The following LYG2 variants were observed in gnomAD, a reference collection of about 807,000 sequenced individuals.
LYG2 encodes lysozyme g2.
A neutral mutation model predicts 22.4 loss-of-function variants in LYG2; 25 were observed. The ratio of observed to expected loss-of-function variants is 1.12; its 90% confidence interval spans 0.81 to 1.56. The LOEUF (loss-of-function observed/expected upper bound fraction) is 1.56, where lower values mean the gene tolerates loss of function less well. Ranked by LOEUF, LYG2 falls within the 40% of genes most tolerant of loss-of-function variation. The pLI, the probability that LYG2 is intolerant of heterozygous loss-of-function variation, is 0.00. For synonymous variants in LYG2, 88 were observed against 97.0 expected (o/e 0.91, Z 0.55); for missense variants, 266 against 269.5 (o/e 0.99, Z 0.09).
Position 99,245,246 on chromosome 2 carries a change from G to A in LYG2, c.381+16C>T, listed in dbSNP as rs759194233. 4 of 1,576,882 alleles carry A rather than the reference G, an allele frequency of 2.5e-6. No individual in the cohort carries two copies. The highest frequency in any genetic ancestry group is 1.8e-5 in the Admixed American group (1 of 56,838). ...AGGGATGCAGTGGGGCTGATAGAAA[G>A]TTTCTAGCTAAATACCTGCATCAAG... is the stretch of plus-strand genomic sequence containing the variant. On this transcript the variant is annotated intron_variant, in intron 5 of 6. Coordinates refer to ENST00000333017, the MANE Select transcript of LYG2 (RefSeq NM_175735.4).
chr2:99,258,610 A>G (rs1261555316), upstream of LYG2, among the ~76,000 whole-genome samples: 1 of 152,220 alleles, frequency 6.6e-6, no homozygotes, highest in Non-Finnish European at 1.5e-5. Flanking sequence ...CAGCCCAAGC[A>G]TCTGTTTCAC....
chr2:99,249,900 C>T (rs1475392699), intron 3 of LYG2, among the ~76,000 whole-genome samples: 1 of 152,076 alleles, frequency 6.6e-6, no homozygotes, highest in Non-Finnish European at 1.5e-5. Flanking sequence ...TCTTGCAGCC[C>T]ATCCTCTACT....
chr2:99,245,559 C>T, intron 4 of LYG2, 101 bp from the exon 5 acceptor site: 1 of 605,196 alleles, frequency 1.7e-6, no homozygotes, highest in Non-Finnish European at 2.6e-6. Context: ...TTGCTTGAAC[C>T]CAGGAGGAGT....
chr2:99,260,468 C>T (rs144772118), upstream of LYG2, among the ~76,000 whole-genome samples: 605 of 152,276 alleles, frequency 4.0e-3, 5 homozygotes, highest in African/African-American at 0.014. Flanking sequence ...CTCTCCCCTC[C>T]CTCTTCTCTC....
chr2:99,242,920 C>T (rs2094008992), intron 6 of LYG2, among the ~76,000 whole-genome samples: 1 of 152,204 alleles, frequency 6.6e-6, no homozygotes, highest in South Asian at 2.1e-4. Flanking sequence ...CCAAGACACA[C>T]TTATTTCTTT....
chr2:99,261,291 G>A, the LYG2 span, among the ~76,000 whole-genome samples: 9 of 152,254 alleles, frequency 5.9e-5, no homozygotes, highest in Admixed American at 5.9e-4. Context: ...GGGCCAGTGG[G>A]AAGATTTAAG....
intron 3 of LYG2, among the ~76,000 whole-genome samples, chr2:99,250,461 G>A (rs1434053471): frequency 3.5e-5 from 5 of 144,708 alleles, no homozygotes; most frequent in Non-Finnish European, 4.5e-5. Flanking sequence ...TGCAAGCTCC[G>A]CCTCCTGGGT....
At chr2:99,251,251 G>A (rs960431996) in intron 3 of LYG2, among the ~76,000 whole-genome samples, 2 of 151,994 alleles carry the variant, frequency 1.3e-5, no homozygotes, top group Non-Finnish European at 2.9e-5. Flanking sequence ...AAGAACAAAT[G>A]AACATAACTC....
intron 3 of LYG2, among the ~76,000 whole-genome samples, chr2:99,253,707 G>T (rs1260417516): frequency 6.6e-6 from 1 of 151,710 alleles, no homozygotes; most frequent in Admixed American, 6.6e-5. Flanking sequence ...TTCCCATCCA[G>T]CAGGCTCTTC....
At chr2:99,244,983 G>GCA (rs2094013090) in intron 5 of LYG2, among the ~76,000 whole-genome samples, 1 of 151,856 alleles carries the variant, frequency 6.6e-6, no homozygotes, top group Non-Finnish European at 1.5e-5. Context: ...ATGGTGGCGT[G>GCA]TGCCTGTAAT....
intron 4 of LYG2, among the ~76,000 whole-genome samples, chr2:99,246,478 A>G (rs1056929019): frequency 6.6e-6 from 1 of 152,236 alleles, no homozygotes; most frequent in African/African-American, 2.4e-5. Context: ...ACACAGCTGG[A>G]CAAAGTTTGG....
At chr2:99,244,249 A>G in intron 5 of LYG2, 112 bp from the exon 6 acceptor site, 1 of 1,026,250 alleles carries the variant, frequency 9.7e-7, no homozygotes. Context: ...TTTATCCCCA[A>G]AGAGTCAATT....
At chr2:99,259,795 A>C (rs2094043914), upstream of LYG2, among the ~76,000 whole-genome samples, 1 of 152,104 alleles carries the variant, frequency 6.6e-6, no homozygotes, top group Non-Finnish European at 1.5e-5. Context: ...CTTTTAAAAA[A>C]AATATTTATT....
intron 5 of LYG2, among the ~76,000 whole-genome samples, chr2:99,244,836 C>T (rs1196438904): frequency 6.6e-6 from 1 of 152,004 alleles, no homozygotes; most frequent in Non-Finnish European, 1.5e-5. Flanking sequence ...AGTGGCCGGG[C>T]ACAGTGGCTC....
chr2:99,253,001 C>T (rs547033294), intron 3 of LYG2, among the ~76,000 whole-genome samples: 5 of 145,624 alleles, frequency 3.4e-5, no homozygotes, highest in Non-Finnish European at 4.5e-5. Flanking sequence ...GAGCTGAGAT[C>T]GCACCACTGC....
chr2:99,250,620 C>T (rs1381070941), intron 3 of LYG2, among the ~76,000 whole-genome samples: 6 of 152,290 alleles, frequency 3.9e-5, no homozygotes, highest in African/African-American at 4.8e-5. Flanking sequence ...GTGATCCGCC[C>T]ACCTTGGCCT....
upstream of LYG2, among the ~76,000 whole-genome samples, chr2:99,256,038 C>G (rs1361070640): frequency 6.6e-6 from 1 of 152,106 alleles, no homozygotes; most frequent in Non-Finnish European, 1.5e-5. Flanking sequence ...CAAGCGTGTC[C>G]AGTTTCTCAG....
rs564254549 is a variant in LYG2 at position 99,250,890 on chromosome 2, T to A, written c.43+3328A>T. 1.7e-3 allele frequency among the ~76,000 whole-genome samples: 253 copies of A among 152,358 alleles called. 1 individual carries two copies. Among genetic ancestry groups the A allele is most frequent in the African/African-American group, 5.9e-3 (245 of 41,590 alleles). On this transcript the variant is annotated intron_variant, in intron 3 of 6. Transcript: ENST00000333017. ...TGAGTAAGTGATGCTACGTCCACAG[T>A]GGAGCACTATGCAGCTGCAAAAGGA...
In LYG2 at chr2:99,245,372, GTC is replaced by G; in HGVS notation, c.269_270del (p.Arg90ThrfsTer32). ...YQTLIKEVGQ[R>X]HCVDPAVIAA... The stretch of plus-strand genomic sequence containing the variant: ...GCGATGACAGCAGGGTCCACGCAAT[GTC>G]TCTGCCCGACTTCTTTGATCAGAGT... On this transcript the variant is annotated frameshift_variant, in exon 5 of 7. Coordinates refer to ENST00000333017, the MANE Select transcript of LYG2 (RefSeq NM_175735.4). LOFTEE classifies it high-confidence loss of function. 1 of 1,613,316 alleles carries G rather than the reference GTC, an allele frequency of 6.2e-7. No individual in the cohort carries two copies. Among genetic ancestry groups the G allele is most frequent in the South Asian group, 1.1e-5 (1 of 90,892 alleles).
Sources: allele counts gnomAD v4.1 joint callset (sites outside exome capture counted in the v4.1 genomes callset), GRCh38; gene constraint gnomAD v4.1.1; transcripts MANE v1.5; gene names NCBI Gene and HGNC (gene_info 2026-07-23, HGNC 2026-07-21).